Variants in SYN3 observed in about 807,000 individuals in gnomAD.
The protein encoded by SYN3 is synapsin-3.
In SYN3, 35 loss-of-function variants were observed where a neutral mutation model predicts 65.8. That is an observed-to-expected ratio of 0.53 (90% CI 0.41 to 0.70). SYN3 has a LOEUF of 0.70. Ranked by LOEUF, SYN3 falls within the 30% of genes least tolerant of loss-of-function variation. The pLI, the probability that SYN3 is intolerant of heterozygous loss-of-function variation, is 0.00. For synonymous variants in SYN3, 270 were observed against 292.9 expected, an observed-to-expected ratio of 0.92 and a Z score of 0.80; for missense variants, 680 against 749.0, an observed-to-expected ratio of 0.91 and a Z score of 1.08.
intron 3 of SYN3, among the ~76,000 whole-genome samples, chr22:32,933,947 TC>T (rs1293004267): frequency 6.6e-6 from 1 of 152,154 alleles, no homozygotes; most frequent in African/African-American, 2.4e-5. Flanking sequence ...CCCAGCCATC[TC>T]CCCAGATAGC....
rs2046587498 is a variant in SYN3, at chr22:32,801,743, T to G, written c.711+63172A>C. ...GGCAGGCGGCGGGCGCTCAGACGGC[T>G]TCTCCTCCTCCTCTTGCTCCTCCAG... On this transcript the variant is annotated intron_variant, in intron 6 of 13. Transcript: ENST00000358763. This position sits in a 1 kb window ranked among gnomAD's most constrained non-coding sequence, Gnocchi z 4.7. 4.3e-6 allele frequency: 1 copy of G among 233,338 alleles called. No individual in the cohort carries two copies. The highest frequency in any genetic ancestry group is 7.9e-6 in the Non-Finnish European group (1 of 126,182). The allele number at this position is 233,338 out of a possible 1,614,324, so 14.5% of individuals were successfully genotyped here.
chr22:32,866,138 T>C (rs1405805019), intron 5 of SYN3, among the ~76,000 whole-genome samples: 1 of 152,012 alleles, frequency 6.6e-6, no homozygotes, highest in Non-Finnish European at 1.5e-5. Flanking sequence ...GAAGAGCAAA[T>C]CAGATTCCGA....
intron 7 of SYN3, among the ~76,000 whole-genome samples, chr22:32,594,496 T>G (rs2146575260): frequency 6.6e-6 from 1 of 151,184 alleles, no homozygotes; most frequent in Admixed American, 6.6e-5. Context: ...TTCTTTTCTT[T>G]TTTTTTTTTG....
At position 32,864,974 on chromosome 22, in the gene SYN3, G is replaced by C; in HGVS notation, c.652C>G (p.Leu218Val). 1 of 1,614,144 alleles carries C rather than the reference G, an allele frequency of 6.2e-7. No homozygotes were observed. The highest frequency in any genetic ancestry group is 8.5e-7 in the Non-Finnish European group (1 of 1,179,976). The change falls in exon 6 of 14, where the codon CTG becomes GTG. Residue 218 changes from leucine (L) to valine (V), a missense_variant. Coordinates refer to ENST00000358763, the MANE Select transcript of SYN3 (RefSeq NM_003490.4). ...ACAAGCGGGAACTTCTCAGGACCCA[G>C]GGAATGGAAGATCTTAATGAGCTGA... ...FSQLIKIFHSLGPEKFPLVEQ... is the reference protein window; with the variant it reads ...FSQLIKIFHSVGPEKFPLVEQ...
At chr22:32,600,291 G>A (rs943067129) in intron 6 of SYN3, among the ~76,000 whole-genome samples, 1 of 152,180 alleles carries the variant, frequency 6.6e-6, no homozygotes, top group Non-Finnish European at 1.5e-5. Flanking sequence ...TCACGACAGG[G>A]TTAGTACTCC....
At chr22:32,713,830 C>CAA (rs5845019) in intron 6 of SYN3, among the ~76,000 whole-genome samples, 5 of 105,856 alleles carry the variant, frequency 4.7e-5, no homozygotes, top group Non-Finnish European at 4.4e-5. Flanking sequence ...GACCCCGTCT[C>CAA]AAAAAAAAAA....
rs1813321366 is a variant in SYN3, at chr22:32,509,236, G to C, written c.*4456C>G. Among the ~76,000 whole-genome samples, 3 of 152,164 alleles carry C rather than the reference G, an allele frequency of 2.0e-5. No individual in the cohort carries two copies. Among genetic ancestry groups the C allele is most frequent in the African/African-American group, 7.2e-5 (3 of 41,434 alleles). ...GCTAAGGCTGCGTTTTTAAATCCCTGTTCATTGTGAACAAATCAAATAGGT... is the reference window on the plus strand; with the variant it reads ...GCTAAGGCTGCGTTTTTAAATCCCTCTTCATTGTGAACAAATCAAATAGGT... On this transcript the variant is annotated 3_prime_UTR_variant, in exon 14 of 14. Transcript: ENST00000358763.
At chr22:32,691,895 T>C (rs2060665909) in intron 6 of SYN3, among the ~76,000 whole-genome samples, 1 of 151,926 alleles carries the variant, frequency 6.6e-6, no homozygotes, top group African/African-American at 2.4e-5. Context: ...CCTCCATCCA[T>C]GGAATGAGCT....
chr22:32,707,772 C>T (rs1254833982), intron 6 of SYN3, among the ~76,000 whole-genome samples: 1 of 152,166 alleles, frequency 6.6e-6, no homozygotes, highest in East Asian at 1.9e-4. Context: ...ATGCCTTAAG[C>T]CCTGGTGCCA....
chr22:32,871,393 T>C (rs2048845154), intron 4 of SYN3, among the ~76,000 whole-genome samples: 1 of 152,090 alleles, frequency 6.6e-6, no homozygotes, highest in South Asian at 2.1e-4. Flanking sequence ...TTCCTCAAAA[T>C]AAAAGTAGCA....
At chr22:32,710,552 G>A (rs552813616) in intron 6 of SYN3, among the ~76,000 whole-genome samples, 313 of 150,262 alleles carry the variant, frequency 2.1e-3, no homozygotes, top group African/African-American at 7.3e-3. Context: ...AGAACTGCTT[G>A]AGCCTGGGAG....
At chr22:32,936,204 C>A (rs1041124058) in intron 3 of SYN3, among the ~76,000 whole-genome samples, 1 of 152,202 alleles carries the variant, frequency 6.6e-6, no homozygotes, top group Non-Finnish European at 1.5e-5. Context: ...ACACTCCCAT[C>A]TTAAACAACA....
At chr22:33,031,294 C>T (rs1257916103) in intron 1 of SYN3, among the ~76,000 whole-genome samples, 2 of 152,182 alleles carry the variant, frequency 1.3e-5, no homozygotes, top group Non-Finnish European at 2.9e-5. Flanking sequence ...GCTCCTCTCC[C>T]ACCCTCCTTA....
chr22:32,766,320 A>G (rs1352965630), intron 6 of SYN3, among the ~76,000 whole-genome samples: 1 of 152,208 alleles, frequency 6.6e-6, no homozygotes, highest in African/African-American at 2.4e-5. Context: ...TCCAGGAGGA[A>G]GAAACATGTA....
At chr22:32,959,571 T>C (rs8141527) in intron 3 of SYN3, among the ~76,000 whole-genome samples, 6,083 of 151,918 alleles carry the variant, frequency 0.04, 394 homozygotes, top group African/African-American at 0.14. Context: ...AAGAATTACT[T>C]TTCAAGAGGC....
chr22:32,624,537 C>T lies in SYN3; in HGVS notation c.712-27801G>A, dbSNP rs544371537. ...CTGGGCCACCTCTCCATAACTCCTA[C>T]CATCTAACACCTGTAGGGACCTGTC... is the stretch of plus-strand genomic sequence containing the variant. On this transcript the variant is annotated intron_variant, in intron 6 of 13. Transcript: ENST00000358763. Among the ~76,000 whole-genome samples, 24 of 152,362 alleles carry T rather than the reference C, an allele frequency of 1.6e-4. 1 individual carries two copies. The South Asian group carries it at 1.9e-3, about 12-fold the overall frequency.
intron 6 of SYN3, among the ~76,000 whole-genome samples, chr22:32,863,535 T>C (rs1353653425): frequency 2.0e-5 from 3 of 152,158 alleles, no homozygotes; most frequent in Non-Finnish European, 4.4e-5. Flanking sequence ...CCAGAGCTTA[T>C]AACAACCTCC....
At chr22:32,670,883 G>T (rs572973015) in intron 6 of SYN3, among the ~76,000 whole-genome samples, 34 of 152,352 alleles carry the variant, frequency 2.2e-4, no homozygotes, top group Admixed American at 1.9e-3. Context: ...GGCATGGGGG[G>T]ATTCCCCCCT....
intron 10 of SYN3, among the ~76,000 whole-genome samples, chr22:32,531,148 CAAAAAAAA>C (rs59432094): frequency 2.3e-3 from 59 of 26,148 alleles, no homozygotes; most frequent in African/African-American, 4.6e-3. Context: ...GACCCCGTCT[CAAAAAAAA>C]AAAAAAAAAA....
Sources: gnomAD v4.1 joint callset for allele counts (sites outside exome capture counted in the v4.1 genomes callset) on GRCh38, gnomAD v4.1.1 for gene constraint, Gnocchi (gnomAD v3.1) non-coding constraint, MANE v1.5 for transcripts, NCBI Gene and HGNC (gene_info 2026-07-23, HGNC 2026-07-21) for gene names.